The following GANC variants were observed in gnomAD, a reference collection of about 807,000 sequenced individuals.
The protein encoded by GANC is neutral alpha-glucosidase C.
Under a neutral mutation model 124.2 loss-of-function variants are expected in GANC, and 117 were observed. That is an observed-to-expected ratio of 0.94 (90% CI 0.81 to 1.10). The LOEUF (loss-of-function observed/expected upper bound fraction) is 1.10. Ranked by LOEUF, GANC falls within the 50% of genes least tolerant of loss-of-function variation. The pLI is 0.00. For synonymous variants in GANC, 377 were observed against 376.8 expected, an observed-to-expected ratio of 1.00 and a Z score of -0.01; for missense variants, 1,140 against 1,095.0, an observed-to-expected ratio of 1.04 and a Z score of -0.58.
Position 42,287,928 on chromosome 15 carries a change from C to T in GANC, c.329+110C>T, listed in dbSNP as rs2051806903. 9 of 1,094,786 alleles carry T rather than the reference C, an allele frequency of 8.2e-6. No homozygotes were observed. In the South Asian group the frequency reaches 1.4e-4, roughly 17 times the overall value. 67.8% of individuals were successfully genotyped at this position (1,094,786 alleles called of 1,614,324 possible). On this transcript the variant is annotated intron_variant, in intron 4 of 23. Coordinates refer to ENST00000318010, the MANE Select transcript of GANC (RefSeq NM_198141.3). ...TTCTTATTTTGGCTGCTCAAAACTA[C>T]AGTCATTTAGGTTGGTGTAAAAGTA...
At chr15:42,302,815 A>C (rs1037366438) in intron 6 of GANC, among the ~76,000 whole-genome samples, 2 of 152,148 alleles carry the variant, frequency 1.3e-5, no homozygotes, top group Non-Finnish European at 1.5e-5. Context: ...AAAAAAAATC[A>C]AAAGGAATGA....
rs146581861 is a variant in GANC, at chr15:42,337,515, C to T, written c.1742-874C>T. Among the ~76,000 whole-genome samples the T allele has an allele frequency of 1.9e-3, 287 of 152,030 alleles. 9 individuals carry two copies. In the East Asian group the frequency reaches 0.05, roughly 27 times the overall value. ...GAGTGGGAACTAAATGATGAGAACACGTGGACACATAGAGGGGAACAACAG... is the reference window on the plus strand; with the variant it reads ...GAGTGGGAACTAAATGATGAGAACATGTGGACACATAGAGGGGAACAACAG... On this transcript the variant is annotated intron_variant, in intron 15 of 23. Transcript: ENST00000318010.
Position 42,352,154 on chromosome 15 carries a change from T to C in GANC, c.*15T>C. 1 of 1,614,076 alleles carries C rather than the reference T, an allele frequency of 6.2e-7. No individual in the cohort carries two copies. Among genetic ancestry groups the C allele is most frequent in the Non-Finnish European group, 8.5e-7 (1 of 1,179,966 alleles). On this transcript the variant is annotated 3_prime_UTR_variant, in exon 24 of 24. Transcript: ENST00000318010. ...GCATCATATGACAAAGAACTGCCCC[T>C]GGTGATGTGAGCAGGGACCTGCCTG... is the stretch of plus-strand genomic sequence containing the variant.
intron 15 of GANC, among the ~76,000 whole-genome samples, chr15:42,333,023 A>ATATAT (rs1566959663): frequency 7.1e-6 from 1 of 140,412 alleles, no homozygotes; most frequent in Non-Finnish European, 1.5e-5. Context: ...TGTCTCAAAA[A>ATATAT]ATATATATAT....
intron 3 of GANC, chr15:42,284,228 T>C (rs1219139298): frequency 3.5e-6 from 2 of 569,480 alleles, no homozygotes; most frequent in Admixed American, 3.2e-5. Context: ...GGGCTGTTTG[T>C]TAATTCTATT....
At position 42,339,796 on chromosome 15, in the gene GANC, C is replaced by T. The variant is rs777531811; in HGVS notation, c.1971C>T (p.Leu657=). ...ACACCAAGCGACGAGAGCCCTGGCT[C>T]TTTGGGGAGGAACACACCCGACTCA... ...TMNTKRREPW[L]FGEEHTRLIR... is the part of the protein sequence containing the mutation. Residue 657 remains leucine, a synonymous_variant, in exon 17 of 24, where the codon CTC becomes CTT. Coordinates refer to ENST00000318010, the MANE Select transcript of GANC (RefSeq NM_198141.3). 6 of 1,614,050 alleles carry T rather than the reference C, an allele frequency of 3.7e-6. No individual in the cohort carries two copies. The African/African-American group carries it at 4.0e-5, about 11-fold the overall frequency.
chr15:42,312,988 C>T (rs11856807), intron 10 of GANC, among the ~76,000 whole-genome samples: 145,614 of 151,312 alleles, frequency 0.96, 70,256 homozygotes, highest in Non-Finnish European at 1. Context: ...GATAGACATA[C>T]AGACCAGTGA....
intron 6 of GANC, among the ~76,000 whole-genome samples, chr15:42,305,305 C>A (rs1406522897): frequency 6.6e-6 from 1 of 152,178 alleles, no homozygotes; most frequent in African/African-American, 2.4e-5. Flanking sequence ...TATGAACAGA[C>A]ACCTCTGAAA....
chr15:42,327,423 T>C lies in GANC; in HGVS notation c.1481T>C (p.Phe494Ser). Reference protein sequence around the residue: ...PKVREWYSSLFAFPVYQGSTD... With the variant: ...PKVREWYSSLSAFPVYQGSTD... ...GTCAGAGAGTGGTATTCAAGTCTTTTTGCTTTCCCTGTTTATCAGGTTGGT... is the reference window on the plus strand; with the variant it reads ...GTCAGAGAGTGGTATTCAAGTCTTTCTGCTTTCCCTGTTTATCAGGTTGGT... Residue 494 changes from phenylalanine (F) to serine (S), a missense_variant, in exon 13 of 24, where the codon TTT becomes TCT. Phe to Ser is a radical substitution (Grantham distance 155, BLOSUM62 -2). Coordinates refer to ENST00000318010, the MANE Select transcript of GANC (RefSeq NM_198141.3). 1 of 1,613,474 alleles carries C rather than the reference T, an allele frequency of 6.2e-7. No individual in the cohort carries two copies. Among genetic ancestry groups the C allele is most frequent in the African/African-American group, 1.3e-5 (1 of 75,038 alleles).
intron 5 of GANC, among the ~76,000 whole-genome samples, chr15:42,295,217 G>A (rs796966760): frequency 6.6e-6 from 1 of 151,846 alleles, no homozygotes; most frequent in Admixed American, 6.6e-5. Flanking sequence ...CTCGTGATCC[G>A]CCCGCCTCAG....
chr15:42,323,453 T>G (rs1451480646), intron 11 of GANC, among the ~76,000 whole-genome samples: 1 of 152,170 alleles, frequency 6.6e-6, no homozygotes, highest in East Asian at 1.9e-4. Context: ...TCCTCAAGAC[T>G]TAAGCAGGGC....
chr15:42,321,659 T>G (rs1441148955), intron 10 of GANC, 126 bp from the exon 11 acceptor site: 5 of 811,456 alleles, frequency 6.2e-6, no homozygotes, highest in Non-Finnish European at 1.0e-5. Context: ...GACTGTGCTT[T>G]CTTCTCCTTG....
At chr15:42,336,297 G>A (rs948753535) in intron 15 of GANC, among the ~76,000 whole-genome samples, 2 of 152,118 alleles carry the variant, frequency 1.3e-5, no homozygotes, top group African/African-American at 4.8e-5. Flanking sequence ...GTAGACCAAT[G>A]GAACAGAATA....
intron 19 of GANC, chr15:42,344,553 G>GT (rs1595785620): frequency 6.6e-6 from 1 of 152,178 alleles, no homozygotes; most frequent in East Asian, 1.9e-4. Context: ...GGATTGTGAC[G>GT]TGAGTACATC....
At chr15:42,308,189 C>T (rs1320472246) in intron 7 of GANC, 33 bp from the exon 8 acceptor site, 1 of 1,400,126 alleles carries the variant, frequency 7.1e-7, no homozygotes, top group Admixed American at 1.8e-5. Context: ...GTGTTCTTTT[C>T]AGAAACAAAA....
chr15:42,291,217 A>G (rs1386815559), intron 4 of GANC, among the ~76,000 whole-genome samples: 4 of 152,210 alleles, frequency 2.6e-5, no homozygotes, highest in Non-Finnish European at 5.9e-5. Context: ...GACCAGAAAG[A>G]AGGAACTTAA....
intron 15 of GANC, among the ~76,000 whole-genome samples, chr15:42,335,204 C>T (rs2052274880): frequency 6.6e-6 from 1 of 151,998 alleles, no homozygotes; most frequent in Non-Finnish European, 1.5e-5. Flanking sequence ...AACATTGATG[C>T]AAAAATCCTC....
chr15:42,275,454 A>G (rs983212910), intron 1 of GANC, among the ~76,000 whole-genome samples: 2 of 152,228 alleles, frequency 1.3e-5, no homozygotes, highest in Non-Finnish European at 2.9e-5. Context: ...TAGTATGGCC[A>G]AGTATATCTG....
At chr15:42,290,644 T>C (rs1318533113) in intron 4 of GANC, among the ~76,000 whole-genome samples, 1 of 151,914 alleles carries the variant, frequency 6.6e-6, no homozygotes, top group Non-Finnish European at 1.5e-5. Context: ...TGCATCTCTA[T>C]AAAAAATTAA....
Sources: gnomAD v4.1 joint callset for allele counts (sites outside exome capture counted in the v4.1 genomes callset) on GRCh38, gnomAD v4.1.1 for gene constraint, MANE v1.5 for transcripts, NCBI Gene and HGNC (gene_info 2026-07-23, HGNC 2026-07-21) for gene names.